PITRM1: variants seen among roughly 807,000 people sequenced by gnomAD.
PITRM1 encodes presequence protease, mitochondrial.
PITRM1 carries 100 observed loss-of-function variants against 129.9 expected under a neutral mutation model. The ratio of observed to expected loss-of-function variants is 0.77; its 90% CI spans 0.65 to 0.91. The LOEUF is 0.91. Among genes scored for constraint, PITRM1 ranks in the 40% least tolerant of loss-of-function variants. The probability of loss-of-function intolerance (pLI) is 0.00; values close to 1 mark genes in which losing one functional copy is unlikely to be tolerated. For synonymous variants in PITRM1, 591 were observed against 508.8 expected (o/e 1.16, Z -2.17); for missense variants, 1,471 against 1,318.3 (o/e 1.12, Z -1.79).
At chr10:3,165,086 C>T (rs933359630) in intron 6 of PITRM1, 152 bp downstream of exon 6, 12 of 669,460 alleles carry the variant, frequency 1.8e-5, no homozygotes, top group African/African-American at 9.1e-5. Flanking sequence ...CCTGCTACCC[C>T]GACTTCTGCT....
At chr10:3,164,077 T>C in intron 6 of PITRM1, 192 bp from the exon 7 acceptor site, 1 of 371,368 alleles carries the variant, frequency 2.7e-6, no homozygotes, top group Non-Finnish European at 4.8e-6. Context: ...TATTCAATCA[T>C]TCATCACCCA....
chr10:3,168,962 ACAC>A (rs1265044015), intron 2 of PITRM1, among the ~76,000 whole-genome samples: 1 of 100,902 alleles, frequency 9.9e-6, no homozygotes, highest in South Asian at 3.4e-4. Flanking sequence ...ACACACACAC[ACAC>A]AATTAGCCAG....
intron 3 of PITRM1, 85 bp downstream of exon 3, chr10:3,166,851 T>C (rs76699327): frequency 0.036 from 26,861 of 743,738 alleles, 531 homozygotes; most frequent in African/African-American, 0.061. Context: ...TCTTCTTCCA[T>C]TGTGGCACAG....
intron 6 of PITRM1, 132 bp from the exon 7 acceptor site, chr10:3,164,017 A>T: frequency 4.3e-6 from 2 of 466,328 alleles, no homozygotes; most frequent in South Asian, 3.9e-5. Flanking sequence ...AGCTGTTCTA[A>T]TGGTTTAAAA....
intron 9 of PITRM1, 109 bp downstream of exon 9, chr10:3,159,739 T>C (rs1202714171): frequency 1.5e-6 from 1 of 647,896 alleles, no homozygotes; most frequent in African/African-American, 1.8e-5. Flanking sequence ...CCCTGAATCC[T>C]AACCGTATAT....
At chr10:3,158,002 G>T in intron 11 of PITRM1, 38 bp downstream of exon 11, 1 of 1,275,740 alleles carries the variant, frequency 7.8e-7, no homozygotes, top group Non-Finnish European at 1.1e-6. Flanking sequence ...ACAGGAATGA[G>T]GAACGAAAGC....
Position 3,139,003 on chromosome 10 carries a change from C to T in PITRM1, c.2818G>A (p.Asp940Asn), listed in dbSNP as rs201882831. 211 of 1,613,862 alleles carry T rather than the reference C, an allele frequency of 1.3e-4. 1 individual carries two copies. In the East Asian group the frequency reaches 3.7e-3, roughly 28 times the overall value. The part of the protein sequence containing the change: ...ETLQSFGKAV[D>N]WAKSGKFTQQ... ...GTGAATTTTCCAGACTTAGCCCAGT[C>T]GACAGCCTTCCCAAAAGACTGGAGC... The change falls in exon 25 of 27, where the codon GAC becomes AAC. Residue 940 changes from aspartate to asparagine, a missense_variant. Asp to Asn is a conservative substitution (Grantham distance 23). Coordinates refer to ENST00000224949, the MANE Select transcript of PITRM1 (RefSeq NM_014889.4).
chr10:3,167,300 CG>C (rs1842956897), intron 2 of PITRM1, among the ~76,000 whole-genome samples: 1 of 152,060 alleles, frequency 6.6e-6, no homozygotes, highest in South Asian at 2.1e-4. Context: ...AGCGAGCGAG[CG>C]AGCGCGAGAG....
intron 19 of PITRM1, 124 bp downstream of exon 19, chr10:3,147,448 C>T (rs1841008113): frequency 1.7e-6 from 2 of 1,176,276 alleles, no homozygotes; most frequent in South Asian, 2.6e-5. Context: ...CAATTCTTCC[C>T]CATATTTAGT....
chr10:3,148,200 C>T lies in PITRM1; in HGVS notation c.1963G>A (p.Asp655Asn), dbSNP rs772198300. Residue 655 changes from aspartate to asparagine, a missense_variant, in exon 17 of 27, where the codon GAC (aspartate) becomes AAC (asparagine). Transcript: ENST00000224949. Reference protein sequence around the residue: ...GMSASPHVLPDDSHMDTYEQG... With the variant: ...GMSASPHVLPNDSHMDTYEQG... Reference sequence around the variant, plus strand: ...TCGTAGGTGTCCATGTGTGAGTCGTCGGGGAGCACGTGGGGAGAAGCACTC... The same window carrying T: ...TCGTAGGTGTCCATGTGTGAGTCGTTGGGGAGCACGTGGGGAGAAGCACTC... The T allele has an allele frequency of 5.0e-6, 8 of 1,613,930 alleles. No individual in the cohort carries two copies. Among genetic ancestry groups the T allele is most frequent in the African/African-American group, 1.3e-5 (1 of 75,022 alleles).
chr10:3,171,103 G>C (rs1293570825), intron 1 of PITRM1, among the ~76,000 whole-genome samples: 1 of 131,850 alleles, frequency 7.6e-6, no homozygotes, highest in African/African-American at 2.8e-5. Context: ...TCACCCGGAG[G>C]TGTATCGACA....
rs570888053 is a variant in PITRM1, at chr10:3,166,388, A to AGAGAGAGGAATGGCACGCTAG, written c.267-9_267-8insCTAGCGTGCCATTCCTCTCTC. 2.3e-5 allele frequency: 35 copies of AGAGAGAGGAATGGCACGCTAG among 1,500,358 alleles called. 1 individual carries two copies. Among genetic ancestry groups the AGAGAGAGGAATGGCACGCTAG allele is most frequent in the Non-Finnish European group, 2.4e-5 (26 of 1,082,702 alleles). 92.9% of individuals were successfully genotyped at this position (1,500,358 alleles called of 1,614,324 possible). A position where few individuals can be genotyped will look rare whatever the true frequency, so the allele number is the denominator to read the frequency against. The stretch of plus-strand genomic sequence containing the variant: ...GTAGTACGGAACTGCACGCTAGGGA[A>AGAGAGAGGAATGGCACGCTAG]GGAGAATGACCAGAACGCAAAAGGT... On this transcript the variant is annotated splice_polypyrimidine_tract_variant and intron_variant, in intron 3 of 26. Coordinates refer to ENST00000224949, the MANE Select transcript of PITRM1 (RefSeq NM_014889.4).
rs750075320 is a variant in PITRM1 at position 3,155,758 on chromosome 10, C to T, written c.1483-29G>A. On this transcript the variant is annotated intron_variant, in intron 13 of 26. Transcript: ENST00000224949. ...CAGCAATCACAGCAACAACAAAAGC[C>T]AAGTGAAAACAAGATCTTACTATAT... 1.9e-6 allele frequency: 3 copies of T among 1,611,274 alleles called. No individual in the cohort carries two copies. The South Asian group carries it at 3.3e-5, about 18-fold the overall frequency.
chr10:3,151,110 G>A (rs1841470082), intron 15 of PITRM1, 137 bp downstream of exon 15: 2 of 575,630 alleles, frequency 3.5e-6, no homozygotes, highest in East Asian at 3.0e-5. Context: ...CGTGTAGAGC[G>A]AGACTATGAA....
intron 2 of PITRM1, among the ~76,000 whole-genome samples, chr10:3,167,368 ATTCT>A (rs2132512343): frequency 6.6e-6 from 1 of 152,174 alleles, no homozygotes; most frequent in East Asian, 1.9e-4. Flanking sequence ...TAAATTTTTT[ATTCT>A]TTTTTTGGCT....
intron 4 of PITRM1, among the ~76,000 whole-genome samples, chr10:3,165,940 C>T (rs1321857767): frequency 6.6e-6 from 1 of 152,220 alleles, no homozygotes; most frequent in Non-Finnish European, 1.5e-5. Flanking sequence ...CAAACATCAA[C>T]ATTAGTAGTA....
intron 12 of PITRM1, 163 bp downstream of exon 12, chr10:3,157,272 G>C: frequency 1.6e-6 from 1 of 642,910 alleles, no homozygotes; most frequent in Non-Finnish European, 2.5e-6. Flanking sequence ...AAAAGCACAG[G>C]CTGAAATAAT....
At chr10:3,159,759 T>G in intron 9 of PITRM1, 89 bp downstream of exon 9, 2 of 732,960 alleles carry the variant, frequency 2.7e-6, no homozygotes, top group East Asian at 5.5e-5. Flanking sequence ...TTAATTAACA[T>G]TCAATTGTAG....
Position 3,151,350 on chromosome 10 carries a change from C to T in PITRM1, c.1635G>A (p.Arg545=). ...CATCTTGAGGTTTGCTTTGTTGACT[C>T]CGTAATTCTAGACCTAAAAAAGAAA... ...QQIYEKGLEL[R]SQQSKPQDAS... is the part of the protein sequence containing the mutation. Residue 545 remains arginine, a synonymous_variant, in exon 15 of 27, where the codon CGG becomes CGA. Transcript: ENST00000224949. The T allele has an allele frequency of 6.2e-7, 1 of 1,603,126 alleles. No homozygotes were observed.
Sources: gnomAD v4.1 joint callset for allele counts (sites outside exome capture counted in the v4.1 genomes callset) on GRCh38, gnomAD v4.1.1 for gene constraint, MANE v1.5 for transcripts, NCBI Gene and HGNC (gene_info 2026-07-23, HGNC 2026-07-21) for gene names.